The following ATP7A variants were observed in gnomAD, a reference collection of about 807,000 sequenced individuals.
ATP7A encodes the protein copper-transporting ATPase 1.
ATP7A carries 7 observed loss-of-function variants against 83.5 expected under a neutral mutation model. That is an observed-to-expected ratio of 0.08 (90% CI 0.05 to 0.16). The LOEUF is 0.16. Among genes scored for constraint, ATP7A ranks in the 10% least tolerant of loss-of-function variants. The pLI is 1.00. For missense variants in ATP7A, 940 were observed against 1,120.8 expected, an observed-to-expected ratio of 0.84 and a Z score of 2.30; for synonymous variants, 354 against 395.2, an observed-to-expected ratio of 0.90 and a Z score of 1.24.
rs144374274 is a variant in ATP7A at position 77,959,390 on chromosome X, A to G, written c.-21-12231A>G. ...TTTTTTTCTAAACTATGTTAATGGG[A>G]TTTATCCCTGTTGCTACTTGCAGCT... is the stretch of plus-strand genomic sequence containing the variant. On this transcript the variant is annotated intron_variant, in intron 1 of 22. Transcript: ENST00000341514. Among the ~76,000 whole-genome samples, 908 of 111,653 alleles carry G rather than the reference A, an allele frequency of 8.1e-3. 11 individuals carry two copies. Among genetic ancestry groups the G allele is most frequent in the African/African-American group, 0.029 (882 of 30,738 alleles).
At chrX:77,931,981 C>T (rs2077283846) in intron 1 of ATP7A, among the ~76,000 whole-genome samples, 3 of 104,801 alleles carry the variant, frequency 2.9e-5, no homozygotes, top group Non-Finnish European at 5.9e-5. Context: ...GACGGGGCGG[C>T]TGGCTGAGCG....
chrX:78,031,068 C>T (rs1258294100), intron 15 of ATP7A, among the ~76,000 whole-genome samples: 1 of 111,292 alleles, frequency 9.0e-6, no homozygotes, highest in African/African-American at 3.3e-5. Flanking sequence ...TATTGAAAGC[C>T]TTTCTTTTTT....
rs782006661 is a variant in ATP7A, at chrX:78,012,985, A to G, written c.2279A>G (p.Tyr760Cys). The G allele has an allele frequency of 1.8e-5, 22 of 1,208,816 alleles. No individual in the cohort carries two copies. The highest frequency in any genetic ancestry group is 8.9e-5 in the East Asian group (3 of 33,767). The change falls in exon 10 of 23, where the codon TAC becomes TGC. Residue 760 changes from tyrosine (Y) to cysteine (C), a missense_variant. By Grantham distance (194) the Tyr-to-Cys change is radical. Transcript: ENST00000341514. Reference sequence around the variant, plus strand: ...CTGGCAACCACCATTGCATTTGCCTACTCTTTGATTATTCTTCTAGTTGCA... The same window carrying G: ...CTGGCAACCACCATTGCATTTGCCTGCTCTTTGATTATTCTTCTAGTTGCA... ...IVLATTIAFA[Y>C]SLIILLVAMY... is the part of the protein sequence containing the mutation.
At chrX:77,956,759 C>CTT (rs782558062) in intron 1 of ATP7A, among the ~76,000 whole-genome samples, 1 of 99,338 alleles carries the variant, frequency 1.0e-5, no homozygotes, top group Admixed American at 1.1e-4. Context: ...TTCTTTCTTT[C>CTT]TTTCTTTCTT....
Position 78,047,386 on chromosome X carries a change from T to G in ATP7A, c.*816T>G, listed in dbSNP as rs1946347732. 1 of 112,129 alleles carries G rather than the reference T, an allele frequency of 8.9e-6. No homozygotes were observed. Among genetic ancestry groups the G allele is most frequent in the Non-Finnish European group, 1.9e-5 (1 of 53,266 alleles). The allele number at this position is 112,129 out of a possible 1,213,427, so 9.2% of individuals were successfully genotyped here. On this transcript the variant is annotated 3_prime_UTR_variant, in exon 23 of 23. Coordinates refer to ENST00000341514, the MANE Select transcript of ATP7A (RefSeq NM_000052.7). ...TCAAGTTTCCTAGCTCTGTGCTCAG[T>G]TTCAGTTCACTCCTGCCAAGTTGGA... is the stretch of plus-strand genomic sequence containing the variant.
intron 4 of ATP7A, among the ~76,000 whole-genome samples, chrX:77,990,654 A>T (rs1266022419): frequency 3.6e-5 from 4 of 112,213 alleles, no homozygotes; most frequent in Non-Finnish European, 5.6e-5. Flanking sequence ...GTATTTCCTG[A>T]CAGCTCTTAC....
intron 2 of ATP7A, among the ~76,000 whole-genome samples, chrX:77,985,118 A>C (rs1381066767): frequency 9.0e-6 from 1 of 110,743 alleles, no homozygotes; most frequent in Non-Finnish European, 1.9e-5. Context: ...CTTCAGGCTC[A>C]GGCAATCCTC....
chrX:77,994,127 G>A (rs187540530), intron 4 of ATP7A, among the ~76,000 whole-genome samples: 244 of 107,794 alleles, frequency 2.3e-3, no homozygotes, highest in African/African-American at 7.7e-3. Flanking sequence ...GTGCAATGGC[G>A]CAATCTCGGC....
At chrX:78,007,351 A>T (rs1380627785) in intron 6 of ATP7A, among the ~76,000 whole-genome samples, 2 of 108,553 alleles carry the variant, frequency 1.8e-5, no homozygotes, top group African/African-American at 3.4e-5. Flanking sequence ...TTTGAGACGG[A>T]GTCTCGCTCT....
intron 10 of ATP7A, among the ~76,000 whole-genome samples, chrX:78,013,509 A>G (rs1483850950): frequency 8.9e-6 from 1 of 111,820 alleles, no homozygotes; most frequent in Non-Finnish European, 1.9e-5. Flanking sequence ...TTGCAAATGT[A>G]GTATTCATAC....
intron 2 of ATP7A, among the ~76,000 whole-genome samples, chrX:77,983,615 T>A (rs1359850265): frequency 8.9e-6 from 1 of 112,430 alleles, no homozygotes; most frequent in Non-Finnish European, 1.9e-5. Flanking sequence ...ACTGCCTTCA[T>A]CAAAATACAG....
chrX:77,941,930 T>C (rs996015161), intron 1 of ATP7A, among the ~76,000 whole-genome samples: 1 of 112,482 alleles, frequency 8.9e-6, no homozygotes, highest in African/African-American at 3.2e-5. Flanking sequence ...AATTTATTTC[T>C]GTGGGAACAA....
At chrX:78,029,941 A>G in intron 15 of ATP7A, among the ~76,000 whole-genome samples, 1 of 111,643 alleles carries the variant, frequency 9.0e-6, no homozygotes, top group Admixed American at 9.6e-5. Context: ...AATCATCTCA[A>G]AGCTACTTGA....
chrX:77,987,272 T>C (rs1557231445), intron 2 of ATP7A, among the ~76,000 whole-genome samples: 1 of 111,894 alleles, frequency 8.9e-6, no homozygotes, highest in East Asian at 2.8e-4. Context: ...TTTATATAAT[T>C]CACTGCTGTT....
At chrX:77,995,108 A>T (rs1358041644) in intron 4 of ATP7A, among the ~76,000 whole-genome samples, 1 of 111,637 alleles carries the variant, frequency 9.0e-6, no homozygotes, top group African/African-American at 3.3e-5. Context: ...TAGAGATTAG[A>T]GTTTAAGATT....
intron 1 of ATP7A, among the ~76,000 whole-genome samples, chrX:77,970,754 A>G (rs1366510435): frequency 8.9e-6 from 1 of 112,368 alleles, no homozygotes; most frequent in African/African-American, 3.2e-5. Context: ...ACCGAAGGGG[A>G]AAGGATTAAA....
chrX:78,015,987 A>AT lies in ATP7A; in HGVS notation c.2626+107dup. ...AATAACTAAATTATGAACAGAGAGA[A>AT]TAAGTTCTTTTAAGACTGTATTAAA... On this transcript the variant is annotated intron_variant, in intron 12 of 22. Transcript: ENST00000341514. The AT allele has an allele frequency of 1.2e-5, 11 of 941,592 alleles. No homozygotes were observed. In the South Asian group the frequency reaches 2.4e-4, roughly 20 times the overall value. 77.6% of individuals were successfully genotyped at this position (941,592 alleles called of 1,213,427 possible).
At chrX:77,985,166 G>A (rs1557231244) in intron 2 of ATP7A, among the ~76,000 whole-genome samples, 1 of 110,442 alleles carries the variant, frequency 9.1e-6, no homozygotes, top group African/African-American at 3.3e-5. Context: ...CTACAGGAGT[G>A]TGTCACCATG....
chrX:77,956,731 C>CTTTCTT (rs1262659388), intron 1 of ATP7A, among the ~76,000 whole-genome samples: 1 of 63,730 alleles, frequency 1.6e-5, no homozygotes, highest in African/African-American at 5.6e-5. Flanking sequence ...AGTCTCCTTT[C>CTTTCTT]TTTCTTTCTT....
Sources: gnomAD v4.1 joint callset for allele counts (sites outside exome capture counted in the v4.1 genomes callset) on GRCh38, gnomAD v4.1.1 for gene constraint, MANE v1.5 for transcripts, NCBI Gene and HGNC (gene_info 2026-07-23, HGNC 2026-07-21) for gene names.